The following IQUB variants were observed in gnomAD, a reference collection of about 807,000 sequenced individuals.
The protein encoded by IQUB is IQ motif and ubiquitin domain containing.
Under a neutral mutation model 86.4 loss-of-function variants are expected in IQUB, and 86 were observed. That is an observed-to-expected ratio of 1.00 (90% CI 0.84 to 1.19). The LOEUF (loss-of-function observed/expected upper bound fraction) is 1.19. Ranked by LOEUF, IQUB falls within the 50% of genes most tolerant of loss-of-function variation. The probability of loss-of-function intolerance (pLI) is 0.00; values close to 1 mark genes in which losing one functional copy is unlikely to be tolerated. For missense variants in IQUB, 946 were observed against 916.9 expected, an observed-to-expected ratio of 1.03 and a Z score of -0.41; for synonymous variants, 289 against 304.5, an observed-to-expected ratio of 0.95 and a Z score of 0.53.
chr7:123,452,978 G>A (rs1793503168), intron 12 of IQUB, 53 bp from the exon 13 acceptor site: 5 of 1,407,832 alleles, frequency 3.6e-6, no homozygotes, highest in Non-Finnish European at 4.9e-6. Flanking sequence ...ATTTTGCCAG[G>A]TAAAAATACT....
At chr7:123,485,160 T>G (rs907556049) in intron 7 of IQUB, among the ~76,000 whole-genome samples, 7 of 152,132 alleles carry the variant, frequency 4.6e-5, no homozygotes, top group Admixed American at 3.3e-4. Context: ...ACAACAGAAC[T>G]TTATTTCGTC....
intron 3 of IQUB, among the ~76,000 whole-genome samples, chr7:123,505,492 G>A (rs1246006047): frequency 6.6e-6 from 1 of 152,178 alleles, no homozygotes; most frequent in African/African-American, 2.4e-5. Flanking sequence ...AGGCTCCCAA[G>A]CCTCAATTCT....
At chr7:123,484,733 A>G (rs1334526263) in intron 7 of IQUB, among the ~76,000 whole-genome samples, 2 of 152,066 alleles carry the variant, frequency 1.3e-5, no homozygotes, top group Non-Finnish European at 2.9e-5. Flanking sequence ...ACTCATATCC[A>G]TTCAGATTCT....
intron 7 of IQUB, among the ~76,000 whole-genome samples, chr7:123,486,507 T>G (rs1795217329): frequency 6.6e-6 from 1 of 152,208 alleles, no homozygotes; most frequent in African/African-American, 2.4e-5. Flanking sequence ...GACTTAGCCT[T>G]GCTACCAAGT....
At chr7:123,515,501 G>A (rs1344236883) in intron 1 of IQUB, among the ~76,000 whole-genome samples, 7 of 152,092 alleles carry the variant, frequency 4.6e-5, no homozygotes, top group African/African-American at 9.7e-5. Context: ...ATTAAGCAGG[G>A]CCAGGCCTAG....
Position 123,509,898 on chromosome 7 carries a change from T to C in IQUB, c.532+3A>G, listed in dbSNP as rs767308511. 4.4e-6 allele frequency: 7 copies of C among 1,598,926 alleles called. 1 individual carries two copies. Among genetic ancestry groups the C allele is most frequent in the Admixed American group, 1.8e-5 (1 of 55,964 alleles). Reference sequence around the variant, plus strand: ...GATATGTTTTATTAGCCTCCAAACTTACCTGAGTATCTTATCTGCAGTACA... The same window carrying C: ...GATATGTTTTATTAGCCTCCAAACTCACCTGAGTATCTTATCTGCAGTACA... On this transcript the variant is annotated splice_donor_region_variant and intron_variant, in intron 3 of 12. Transcript: ENST00000324698.
chr7:123,506,639 G>A (rs1392672318), intron 3 of IQUB, among the ~76,000 whole-genome samples: 1 of 151,952 alleles, frequency 6.6e-6, no homozygotes, highest in Non-Finnish European at 1.5e-5. Flanking sequence ...CAACAAGGGG[G>A]AAATCTGCCC....
chr7:123,492,800 C>T (rs898753719), intron 7 of IQUB, among the ~76,000 whole-genome samples: 8 of 152,070 alleles, frequency 5.3e-5, no homozygotes, highest in African/African-American at 1.2e-4. Flanking sequence ...TGAGCTGAAC[C>T]GCAACTCCCC....
chr7:123,452,946 T>C, intron 12 of IQUB, 21 bp from the exon 13 acceptor site: 1 of 1,579,014 alleles, frequency 6.3e-7, no homozygotes, highest in Non-Finnish European at 8.6e-7. Context: ...AAAAATCAAA[T>C]TCTAGTAAAT....
intron 6 of IQUB, chr7:123,501,275 G>A (rs1449510827): frequency 6.6e-6 from 1 of 152,310 alleles, no homozygotes; most frequent in African/African-American, 2.4e-5. Flanking sequence ...AAGATGAAAG[G>A]AGTTTATGAT....
At chr7:123,512,683 C>T (rs1377258000) in intron 1 of IQUB, among the ~76,000 whole-genome samples, 3 of 152,210 alleles carry the variant, frequency 2.0e-5, no homozygotes, top group African/African-American at 7.2e-5. Flanking sequence ...GAATACGAAA[C>T]TGATGGATGC....
At position 123,452,898 on chromosome 7, in the gene IQUB, T is replaced by G; in HGVS notation, c.2221A>C (p.Ile741Leu). 6.2e-7 allele frequency: 1 copy of G among 1,612,496 alleles called. No homozygotes were observed. The highest frequency in any genetic ancestry group is 8.5e-7 in the Non-Finnish European group (1 of 1,179,088). The change falls in exon 13 of 13, where the codon ATC (isoleucine) becomes CTC (leucine). Residue 741 changes from isoleucine to leucine, a missense_variant. Coordinates refer to ENST00000324698, the MANE Select transcript of IQUB (RefSeq NM_178827.5). ...EGYERSFIHK[I>L]KHKHILAKNY... The stretch of plus-strand genomic sequence containing the variant: ...TTAGCCAGGATATGTTTGTGTTTGA[T>G]CTTGTGAATAAATGAGCGTTCATAT...
At chr7:123,488,016 C>A (rs372344762) in intron 7 of IQUB, among the ~76,000 whole-genome samples, 8 of 152,042 alleles carry the variant, frequency 5.3e-5, no homozygotes, top group Admixed American at 3.9e-4. Context: ...AAAAAAATTT[C>A]TATTATTAAA....
chr7:123,480,042 GTATTT>G, intron 7 of IQUB, 72 bp from the exon 8 acceptor site: 1 of 1,149,502 alleles, frequency 8.7e-7, no homozygotes, highest in Non-Finnish European at 1.2e-6. Context: ...CTGATGAGGA[GTATTT>G]TATTTTTACA....
rs192981343 is a variant in IQUB, at chr7:123,455,251, G to A, written c.2193+2130C>T. Among the ~76,000 whole-genome samples the A allele has an allele frequency of 1.3e-4, 20 of 152,090 alleles. No individual in the cohort carries two copies. The South Asian group carries it at 1.9e-3, about 14-fold the overall frequency. ...GTGCTGGGAACATTCGATATGCTGC[G>A]TCTAGCTATTTGAAACCATATATTG... On this transcript the variant is annotated intron_variant, in intron 12 of 12. Transcript: ENST00000324698.
In IQUB at chr7:123,452,462, A is replaced by AATT. The variant is rs1000237342; in HGVS notation, c.*278_*280dup. On this transcript the variant is annotated 3_prime_UTR_variant, in exon 13 of 13. Coordinates refer to ENST00000324698, the MANE Select transcript of IQUB (RefSeq NM_178827.5). ...ATTTTAACTCTAATATACTTGAAAA[A>AATT]ATTTAAAAAATTTAATGTGAAAACA... 5 of 214,366 alleles carry AATT rather than the reference A, an allele frequency of 2.3e-5. No homozygotes were observed. Among genetic ancestry groups the AATT allele is most frequent in the African/African-American group, 1.1e-4 (5 of 44,054 alleles). 13.3% of individuals were successfully genotyped at this position (214,366 alleles called of 1,614,324 possible).
intron 11 of IQUB, among the ~76,000 whole-genome samples, chr7:123,460,409 CT>C (rs36004403): frequency 0.14 from 20,848 of 151,648 alleles, 1,517 homozygotes; most frequent in Middle Eastern, 0.18. Context: ...CATTTGGTAT[CT>C]TTTTTTTAAT....
At chr7:123,489,256 G>A (rs576718865) in intron 7 of IQUB, among the ~76,000 whole-genome samples, 3 of 152,134 alleles carry the variant, frequency 2.0e-5, no homozygotes, top group African/African-American at 7.2e-5. Flanking sequence ...CTTAAGCCTT[G>A]GCATAAATCC....
intron 7 of IQUB, among the ~76,000 whole-genome samples, chr7:123,490,520 AAAC>A (rs145724067): frequency 0.017 from 2,524 of 152,340 alleles, 69 homozygotes; most frequent in African/African-American, 0.057. Flanking sequence ...AAGAAAATTT[AAAC>A]AACATTATCA....
Sources: allele counts gnomAD v4.1 joint callset (sites outside exome capture counted in the v4.1 genomes callset), GRCh38; gene constraint gnomAD v4.1.1; transcripts MANE v1.5; gene names NCBI Gene and HGNC (gene_info 2026-07-23, HGNC 2026-07-21).